COG5: variants seen among roughly 807,000 people sequenced by gnomAD.
COG5 encodes conserved oligomeric Golgi complex subunit 5.
Under a neutral mutation model 110.4 loss-of-function variants are expected in COG5, and 86 were observed. The observed-to-expected ratio is 0.78, with a 90% CI of 0.65 to 0.93. COG5 has a LOEUF of 0.93. COG5 is among the 40% of genes least tolerant of loss of function. COG5 has a pLI of 0.00. For synonymous variants in COG5, 360 were observed against 334.6 expected (o/e 1.08, Z -0.83); for missense variants, 1,077 against 987.0 (o/e 1.09, Z -1.22).
chr7:107,312,106 C>T (rs1443505282), intron 11 of COG5, among the ~76,000 whole-genome samples: 1 of 152,038 alleles, frequency 6.6e-6, no homozygotes, highest in Non-Finnish European at 1.5e-5. Flanking sequence ...TTTCATGTCC[C>T]TGTTTATCAT....
At chr7:107,280,938 T>C (rs1011972528) in intron 14 of COG5, among the ~76,000 whole-genome samples, 1 of 151,978 alleles carries the variant, frequency 6.6e-6, no homozygotes, top group East Asian at 1.9e-4. Context: ...TATATGGAGT[T>C]AGTGGTCACA....
chr7:107,268,038 G>A (rs965433765), intron 14 of COG5, among the ~76,000 whole-genome samples: 2 of 151,958 alleles, frequency 1.3e-5, no homozygotes, highest in Non-Finnish European at 2.9e-5. Context: ...GCACAATCTC[G>A]GCTCACCGCA....
In COG5 at chr7:107,365,596, C is replaced by CAAAAAAAAAAA. The variant is rs71134263; in HGVS notation, c.836-3187_836-3177dup. Among the ~76,000 whole-genome samples, 139 of 36,694 alleles carry CAAAAAAAAAAA rather than the reference C, an allele frequency of 3.8e-3. 1 individual carries two copies. Among genetic ancestry groups the CAAAAAAAAAAA allele is most frequent in the African/African-American group, 4.7e-3 (50 of 10,550 alleles). The allele number at this position is 36,694 out of a possible 152,430, so 24.1% of individuals were successfully genotyped here. A position where few individuals can be genotyped will look rare whatever the true frequency, so the allele number is the denominator to read the frequency against. The stretch of plus-strand genomic sequence containing the variant: ...GGGAATGTTCAACATTGCAAAATGA[C>CAAAAAAAAAAA]AAAAAAAAAAAAAAAAAAAAAAAAA... On this transcript the variant is annotated intron_variant, in intron 8 of 21. Coordinates refer to ENST00000297135, the MANE Select transcript of COG5 (RefSeq NM_006348.5).
At chr7:107,463,021 A>G (rs1479529411) in intron 6 of COG5, among the ~76,000 whole-genome samples, 1 of 152,240 alleles carries the variant, frequency 6.6e-6, no homozygotes. Context: ...GTGATGGAAC[A>G]CACTCTCACT....
intron 6 of COG5, among the ~76,000 whole-genome samples, chr7:107,455,566 T>C (rs1795611211): frequency 6.6e-6 from 1 of 152,218 alleles, no homozygotes; most frequent in Admixed American, 6.5e-5. Flanking sequence ...ACAGACTATA[T>C]ACAGCCCACA....
intron 1 of COG5, among the ~76,000 whole-genome samples, chr7:107,561,493 G>GT (rs1431605519): frequency 1.3e-5 from 2 of 152,174 alleles, no homozygotes; most frequent in East Asian, 3.8e-4. Context: ...CATGAGGAAA[G>GT]TATTTCAAGA....
At chr7:107,417,987 T>C (rs1793004800) in intron 6 of COG5, among the ~76,000 whole-genome samples, 1 of 152,214 alleles carries the variant, frequency 6.6e-6, no homozygotes, top group Non-Finnish European at 1.5e-5. Context: ...GAGGCCATTC[T>C]CAGAACACAA....
At chr7:107,413,470 T>C (rs1432750230) in intron 6 of COG5, among the ~76,000 whole-genome samples, 1 of 151,824 alleles carries the variant, frequency 6.6e-6, no homozygotes, top group African/African-American at 2.4e-5. Context: ...TATATTATTT[T>C]AGTTACTAAT....
chr7:107,243,215 A>C (rs1256563647), intron 17 of COG5, among the ~76,000 whole-genome samples: 2 of 152,122 alleles, frequency 1.3e-5, no homozygotes, highest in African/African-American at 2.4e-5. Flanking sequence ...ATTCTTAGAG[A>C]CCTTCAAAGA....
At chr7:107,330,172 T>C (rs542656663) in intron 10 of COG5, among the ~76,000 whole-genome samples, 1 of 152,346 alleles carries the variant, frequency 6.6e-6, no homozygotes, top group East Asian at 1.9e-4. Flanking sequence ...CGTTATCAGA[T>C]CAATTCAGGG....
intron 7 of COG5, among the ~76,000 whole-genome samples, chr7:107,399,979 G>A (rs1297566240): frequency 1.3e-5 from 2 of 151,834 alleles, no homozygotes; most frequent in African/African-American, 2.4e-5. Flanking sequence ...TAAACTAATA[G>A]AACCACTTCA....
In COG5 at chr7:107,401,906, A is replaced by T. The variant is rs139892135; in HGVS notation, c.669+10596T>A. 2.8e-4 allele frequency among the ~76,000 whole-genome samples: 43 copies of T among 152,346 alleles called. No homozygotes were observed. In the East Asian group the frequency reaches 8.3e-3, roughly 29 times the overall value. On this transcript the variant is annotated intron_variant, in intron 7 of 21. Transcript: ENST00000297135. The stretch of plus-strand genomic sequence containing the variant: ...ACTACAAAAGGAATCACTGTGTTCA[A>T]CTTTAAGAGGACCTTCTTTTTGAAG...
intron 12 of COG5, among the ~76,000 whole-genome samples, chr7:107,294,950 C>CATAT (rs1212275717): frequency 1.2e-5 from 1 of 84,894 alleles, no homozygotes; most frequent in Non-Finnish European, 2.8e-5. Flanking sequence ...CACACACACA[C>CATAT]ATATATATAT....
intron 19 of COG5, among the ~76,000 whole-genome samples, chr7:107,219,796 G>C (rs1799779599): frequency 6.6e-6 from 1 of 152,126 alleles, no homozygotes; most frequent in Non-Finnish European, 1.5e-5. Context: ...GGAATGCATA[G>C]TACATTTCAA....
At position 107,313,755 on chromosome 7, in the gene COG5, C is replaced by A. The variant is rs1246012416; in HGVS notation, c.1108+10685G>T. Among the ~76,000 whole-genome samples, 3 of 152,098 alleles carry A rather than the reference C, an allele frequency of 2.0e-5. No individual in the cohort carries two copies. In the East Asian group the frequency reaches 5.8e-4, roughly 29 times the overall value. ...AAGGACTATATGATTACACTGGGTC[C>A]ACTCAGATGATCAGAGATTATCTTG... On this transcript the variant is annotated intron_variant, in intron 11 of 21. Transcript: ENST00000297135.
rs911944430 is a variant in COG5 at position 107,416,258 on chromosome 7, G to A, written c.539-3626C>T. ...AAAATACAAATAACCATCAATAAAA[G>A]AAAAAAATTTTGTAATATATTCATT... On this transcript the variant is annotated intron_variant, in intron 6 of 21. Transcript: ENST00000297135. Among the ~76,000 whole-genome samples the A allele has an allele frequency of 5.9e-5, 9 of 151,596 alleles. 1 individual carries two copies. The highest frequency in any genetic ancestry group is 5.9e-4 in the Admixed American group (9 of 15,254).
intron 10 of COG5, among the ~76,000 whole-genome samples, chr7:107,336,708 C>T (rs116694161): frequency 0.019 from 2,868 of 152,166 alleles, 90 homozygotes; most frequent in African/African-American, 0.064. Context: ...TCACAACATT[C>T]CTCAATTAAA....
chr7:107,520,097 C>T (rs988554729), intron 6 of COG5, among the ~76,000 whole-genome samples: 3 of 152,146 alleles, frequency 2.0e-5, no homozygotes, highest in Admixed American at 1.3e-4. Flanking sequence ...ATTCAACACA[C>T]CTTCATGTTA....
chr7:107,385,207 T>G (rs915825760), intron 7 of COG5, among the ~76,000 whole-genome samples: 1 of 152,214 alleles, frequency 6.6e-6, no homozygotes, highest in African/African-American at 2.4e-5. Context: ...GGATTGAGAT[T>G]GATGGGAACC....
Sources: allele counts gnomAD v4.1 joint callset (sites outside exome capture counted in the v4.1 genomes callset), GRCh38; gene constraint gnomAD v4.1.1; transcripts MANE v1.5; gene names NCBI Gene and HGNC (gene_info 2026-07-23, HGNC 2026-07-21).